BBOX1: variants seen among roughly 807,000 people sequenced by gnomAD.
BBOX1 encodes the protein gamma-butyrobetaine dioxygenase.
A neutral mutation model predicts 41.6 loss-of-function variants in BBOX1; 35 were observed. The observed-to-expected ratio is 0.84, with a 90% CI of 0.64 to 1.11. The LOEUF is 1.11. Among genes scored for constraint, BBOX1 ranks in the 50% most tolerant of loss-of-function variants. The pLI is 0.00. For synonymous variants in BBOX1, 163 were observed against 154.7 expected, an observed-to-expected ratio of 1.05 and a Z score of -0.40; for missense variants, 458 against 460.6, an observed-to-expected ratio of 0.99 and a Z score of 0.05.
rs577030228 is a variant in BBOX1, at chr11:27,105,935, T to C, written c.534-9517T>C. On this transcript the variant is annotated intron_variant, in intron 5 of 8. Coordinates refer to ENST00000263182, the MANE Select transcript of BBOX1 (RefSeq NM_003986.3). The stretch of plus-strand genomic sequence containing the variant: ...AGCCAGAAGAGAGTGGGGGCAAATA[T>C]TCAACATTCTTAAAGAAAAGAATTT... 1.7e-4 allele frequency among the ~76,000 whole-genome samples: 26 copies of C among 152,230 alleles called. 1 individual carries two copies. The highest frequency in any genetic ancestry group is 6.0e-4 in the African/African-American group (25 of 41,552).
At chr11:27,120,896 T>G (rs1590229072) in intron 7 of BBOX1, among the ~76,000 whole-genome samples, 2 of 152,158 alleles carry the variant, frequency 1.3e-5, no homozygotes, top group Non-Finnish European at 2.9e-5. Flanking sequence ...AATACATCAG[T>G]GGACAAAACA....
intron 4 of BBOX1, among the ~76,000 whole-genome samples, chr11:27,085,961 G>A (rs999326487): frequency 3.9e-5 from 6 of 152,128 alleles, no homozygotes; most frequent in Non-Finnish European, 5.9e-5. Flanking sequence ...TTAAGCCAAA[G>A]CCTAATTCAG....
At chr11:27,056,637 C>G (rs1257133589) in intron 3 of BBOX1, among the ~76,000 whole-genome samples, 1 of 152,130 alleles carries the variant, frequency 6.6e-6, no homozygotes, top group Non-Finnish European at 1.5e-5. Flanking sequence ...TTGGGGATCC[C>G]AGGTTTAGAG....
At chr11:27,108,693 C>T (rs867883911) in intron 5 of BBOX1, among the ~76,000 whole-genome samples, 40 of 152,032 alleles carry the variant, frequency 2.6e-4, no homozygotes, top group African/African-American at 8.7e-4. Flanking sequence ...ATCATGGCCA[C>T]ATATGGATGG....
At position 27,119,664 on chromosome 11, in the gene BBOX1, T is replaced by C; in HGVS notation, c.655T>C (p.Cys219Arg). The part of the protein sequence containing the change: ...HHPPGVQLLH[C>R]IKQTVTGGDS... Reference sequence around the variant, plus strand: ...CTTTTTATAGGTTCAGCTTCTTCACTGCATAAAGCAAACAGTCACAGGGGG... The same window carrying C: ...CTTTTTATAGGTTCAGCTTCTTCACCGCATAAAGCAAACAGTCACAGGGGG... The change falls in exon 7 of 9, where the codon TGC becomes CGC. Residue 219 changes from cysteine to arginine, a missense_variant. Cys to Arg is a radical substitution (Grantham distance 180). Transcript: ENST00000263182. 6.8e-7 allele frequency: 1 copy of C among 1,473,154 alleles called. No individual in the cohort carries two copies. The allele number at this position is 1,473,154 out of a possible 1,614,324, so 91.3% of individuals were successfully genotyped here.
intron 4 of BBOX1, among the ~76,000 whole-genome samples, chr11:27,061,733 T>G (rs1857139105): frequency 6.6e-6 from 1 of 152,126 alleles, no homozygotes; most frequent in African/African-American, 2.4e-5. Context: ...GCTGTTGAAC[T>G]CAAAAATGAC....
At chr11:27,123,472 C>T (rs112889841) in intron 7 of BBOX1, among the ~76,000 whole-genome samples, 79 of 151,982 alleles carry the variant, frequency 5.2e-4, no homozygotes, top group African/African-American at 1.8e-3. Context: ...CTGAAACAGA[C>T]GACCCCCCCA....
chr11:27,073,733 TA>T (rs1182530669), intron 4 of BBOX1, among the ~76,000 whole-genome samples: 4 of 152,046 alleles, frequency 2.6e-5, no homozygotes, highest in African/African-American at 9.7e-5. Context: ...TATGCAGCCA[TA>T]AAAAAGGATG....
chr11:27,096,544 C>T (rs183268023), intron 5 of BBOX1, among the ~76,000 whole-genome samples: 3 of 152,110 alleles, frequency 2.0e-5, no homozygotes, highest in Admixed American at 6.6e-5. Flanking sequence ...GATGGTGCCA[C>T]GTTAGACATG....
intron 5 of BBOX1, among the ~76,000 whole-genome samples, chr11:27,107,458 C>T (rs534769807): frequency 2.6e-5 from 4 of 152,150 alleles, no homozygotes; most frequent in Admixed American, 2.0e-4. Context: ...GTTTCAGACA[C>T]TCACCCCAGC....
At chr11:27,059,358 CG>C (rs1253738359) in intron 4 of BBOX1, among the ~76,000 whole-genome samples, 1 of 152,172 alleles carries the variant, frequency 6.6e-6, no homozygotes, top group Non-Finnish European at 1.5e-5. Flanking sequence ...AAAGTAATTG[CG>C]GTTTTTGCCA....
intron 4 of BBOX1, among the ~76,000 whole-genome samples, chr11:27,088,052 T>C (rs1050351295): frequency 6.6e-6 from 1 of 152,052 alleles, no homozygotes; most frequent in Non-Finnish European, 1.5e-5. Flanking sequence ...TAAATCTTTC[T>C]GTATTTTTAA....
chr11:27,070,370 A>G (rs968398156), intron 4 of BBOX1, among the ~76,000 whole-genome samples: 1 of 152,042 alleles, frequency 6.6e-6, no homozygotes, highest in Non-Finnish European at 1.5e-5. Flanking sequence ...GAAGTTCCCC[A>G]CTATTATTAT....
chr11:27,111,819 A>G (rs1859074279), intron 5 of BBOX1, among the ~76,000 whole-genome samples: 1 of 151,986 alleles, frequency 6.6e-6, no homozygotes, highest in Non-Finnish European at 1.5e-5. Context: ...GAGTAATCAA[A>G]TAGTGGATGA....
chr11:27,048,793 C>T (rs954826619), intron 2 of BBOX1, among the ~76,000 whole-genome samples: 1 of 141,112 alleles, frequency 7.1e-6, no homozygotes, highest in African/African-American at 2.7e-5. Context: ...GGTACATGTG[C>T]CCATTGTGCA....
At chr11:27,086,270 GGTC>G (rs1858036930) in intron 4 of BBOX1, among the ~76,000 whole-genome samples, 1 of 151,960 alleles carries the variant, frequency 6.6e-6, no homozygotes, top group African/African-American at 2.4e-5. Context: ...AAAAAAGAGA[GGTC>G]AATGCCTAGC....
rs1858714195 is a variant in BBOX1 at position 27,102,904 on chromosome 11, T to G, written c.533+9538T>G. Among the ~76,000 whole-genome samples the G allele has an allele frequency of 3.3e-5, 5 of 152,100 alleles. No homozygotes were observed. In the South Asian group the frequency reaches 1.0e-3, roughly 31 times the overall value. On this transcript the variant is annotated intron_variant, in intron 5 of 8. Coordinates refer to ENST00000263182, the MANE Select transcript of BBOX1 (RefSeq NM_003986.3). The stretch of plus-strand genomic sequence containing the variant: ...TGATTTTCTTTTCCTTAAAAATAAT[T>G]TGATGGCCAGGCATGGTGGCTCACG...
intron 6 of BBOX1, 24 bp from the exon 7 acceptor site, chr11:27,119,625 A>G: frequency 8.0e-7 from 1 of 1,244,584 alleles, no homozygotes; most frequent in Non-Finnish European, 1.1e-6. Context: ...TATTTATTTA[A>G]TAATGCATAT....
At chr11:27,108,416 A>G (rs1427325503) in intron 5 of BBOX1, among the ~76,000 whole-genome samples, 1 of 152,264 alleles carries the variant, frequency 6.6e-6, no homozygotes, top group East Asian at 1.9e-4. Flanking sequence ...GCATTTTCTT[A>G]GAAGATATTA....
Sources: gnomAD v4.1 joint callset for allele counts (sites outside exome capture counted in the v4.1 genomes callset) on GRCh38, gnomAD v4.1.1 for gene constraint, MANE v1.5 for transcripts, NCBI Gene and HGNC (gene_info 2026-07-23, HGNC 2026-07-21) for gene names.